Variants in CNTNAP2 observed in about 807,000 individuals in gnomAD.
The protein encoded by CNTNAP2 is contactin-associated protein-like 2.
In CNTNAP2, 98 loss-of-function variants were observed where a neutral mutation model predicts 155.2. The ratio of observed to expected loss-of-function variants is 0.63; its 90% CI spans 0.54 to 0.75. The LOEUF (loss-of-function observed/expected upper bound fraction) is 0.75, where lower values mean the gene tolerates loss of function less well. CNTNAP2 is among the 30% of genes least tolerant of loss of function. The probability of loss-of-function intolerance (pLI) is 0.00; values close to 1 mark genes in which losing one functional copy is unlikely to be tolerated. For synonymous variants in CNTNAP2, 651 were observed against 631.2 expected (o/e 1.03, Z -0.47); for missense variants, 1,727 against 1,688.1 (o/e 1.02, Z -0.40).
chr7:147,836,432 C>T (rs190545677), intron 13 of CNTNAP2, among the ~76,000 whole-genome samples: 1 of 152,102 alleles, frequency 6.6e-6, no homozygotes, highest in Admixed American at 6.6e-5. Flanking sequence ...CTATGTGCTC[C>T]TCCTTTGGCT....
At chr7:146,721,350 TACATTCTATATAC>T (rs1563203435) in intron 1 of CNTNAP2, among the ~76,000 whole-genome samples, 4 of 126,822 alleles carry the variant, frequency 3.2e-5, no homozygotes, top group African/African-American at 9.0e-5. Context: ...ATTCTATATA[TACATTCTATATAC>T]ATTCTATATA....
chr7:148,302,813 C>CTTTTTTTTTTTTTTT (rs59354674), intron 21 of CNTNAP2, among the ~76,000 whole-genome samples: 2 of 86,938 alleles, frequency 2.3e-5, no homozygotes, highest in Non-Finnish European at 4.1e-5. Flanking sequence ...CTCGATTATT[C>CTTTTTTTTTTTTTTT]TTTTTTTTTT....
intron 13 of CNTNAP2, among the ~76,000 whole-genome samples, chr7:147,731,166 A>G (rs78539008): frequency 0.19 from 29,262 of 152,174 alleles, 3,237 homozygotes; most frequent in Middle Eastern, 0.38. Flanking sequence ...TAGCTAACGT[A>G]ATTGATGAAG....
chr7:147,040,245 A>G (rs1450829866), intron 3 of CNTNAP2, among the ~76,000 whole-genome samples: 1 of 152,206 alleles, frequency 6.6e-6, no homozygotes, highest in Non-Finnish European at 1.5e-5. Context: ...CTCTGTCTAC[A>G]TTGTTGATTT....
chr7:147,905,798 C>T (rs1257638871), intron 14 of CNTNAP2, among the ~76,000 whole-genome samples: 6 of 152,158 alleles, frequency 3.9e-5, no homozygotes, highest in East Asian at 1.9e-4. Flanking sequence ...GCAGGAGAAT[C>T]GCTTGAACCC....
intron 9 of CNTNAP2, among the ~76,000 whole-genome samples, chr7:147,315,368 C>T (rs1352955631): frequency 6.6e-6 from 1 of 150,658 alleles, no homozygotes; most frequent in Non-Finnish European, 1.5e-5. Flanking sequence ...AATAGAACCC[C>T]AAAACTATTA....
intron 13 of CNTNAP2, among the ~76,000 whole-genome samples, chr7:147,729,594 AAAAG>A (rs1252112749): frequency 1.3e-5 from 2 of 152,082 alleles, no homozygotes; most frequent in African/African-American, 2.4e-5. Context: ...ACAAAAAAGA[AAAAG>A]AAAAACTGTG....
intron 13 of CNTNAP2, among the ~76,000 whole-genome samples, chr7:147,816,092 C>T (rs851661): frequency 0.48 from 72,297 of 152,082 alleles, 20,793 homozygotes; most frequent in African/African-American, 0.82. Flanking sequence ...TAACATTGTC[C>T]CAAGCAACAG....
chr7:147,376,323 A>G (rs1265768834), intron 9 of CNTNAP2, among the ~76,000 whole-genome samples: 11 of 151,968 alleles, frequency 7.2e-5, no homozygotes, highest in Non-Finnish European at 1.5e-5. Flanking sequence ...GGAGACTATC[A>G]TACAACTTAT....
At position 146,960,757 on chromosome 7, in the gene CNTNAP2, G is replaced by T. The variant is rs772559001; in HGVS notation, c.403-83150G>T. ...TAATTTCAGCCAATCTAAGGCTAAG[G>T]TTCTCCAAAGTTTAAATATGGTATT... On this transcript the variant is annotated intron_variant, in intron 3 of 23. Coordinates refer to ENST00000361727, the MANE Select transcript of CNTNAP2 (RefSeq NM_014141.6). Among the ~76,000 whole-genome samples, 12 of 152,092 alleles carry T rather than the reference G, an allele frequency of 7.9e-5. No homozygotes were observed. The East Asian group carries it at 2.1e-3, about 27-fold the overall frequency.
At chr7:146,873,769 A>AG (rs527533371) in intron 3 of CNTNAP2, among the ~76,000 whole-genome samples, 21 of 152,096 alleles carry the variant, frequency 1.4e-4, no homozygotes, top group Non-Finnish European at 2.8e-4. Context: ...TTACAATTTG[A>AG]GGGGGAAGTG....
intron 14 of CNTNAP2, among the ~76,000 whole-genome samples, chr7:147,934,390 T>C (rs147707919): frequency 3.9e-4 from 60 of 152,300 alleles, no homozygotes; most frequent in Non-Finnish European, 7.4e-4. Context: ...AGAGAACTTG[T>C]GCAGGGGAAC....
intron 1 of CNTNAP2, among the ~76,000 whole-genome samples, chr7:146,739,805 G>C (rs1801681260): frequency 6.6e-6 from 1 of 151,856 alleles, no homozygotes; most frequent in Non-Finnish European, 1.5e-5. Context: ...TACTTGGTTT[G>C]TATATTTAGG....
At chr7:146,733,601 C>A (rs908641956) in intron 1 of CNTNAP2, among the ~76,000 whole-genome samples, 1 of 152,104 alleles carries the variant, frequency 6.6e-6, no homozygotes, top group East Asian at 1.9e-4. Context: ...GTTTGACTAC[C>A]CTTTCCTATA....
intron 21 of CNTNAP2, among the ~76,000 whole-genome samples, chr7:148,270,657 T>C (rs768463551): frequency 1.3e-5 from 2 of 152,218 alleles, no homozygotes; most frequent in African/African-American, 2.4e-5. Context: ...TGAAAGGGTA[T>C]GGATGATCAT....
chr7:147,417,532 G>A (rs932700724), intron 10 of CNTNAP2, among the ~76,000 whole-genome samples: 7 of 152,108 alleles, frequency 4.6e-5, no homozygotes, highest in African/African-American at 1.4e-4. Flanking sequence ...GAATTTTGGC[G>A]GGGACATAAA....
At chr7:147,914,101 A>G (rs188868837) in intron 14 of CNTNAP2, among the ~76,000 whole-genome samples, 1 of 152,294 alleles carries the variant, frequency 6.6e-6, no homozygotes, top group Admixed American at 6.5e-5. Context: ...CCATGAATAG[A>G]GTTTCAGAAA....
In CNTNAP2 at chr7:146,550,420, T is replaced by TTTTG. The variant is rs1554447386; in HGVS notation, c.98-223848_98-223847insGTTT. Among the ~76,000 whole-genome samples the TTTTG allele has an allele frequency of 2.0e-3, 278 of 138,398 alleles. 11 individuals are homozygous for TTTTG. The highest frequency in any genetic ancestry group is 7.6e-3 in the Middle Eastern group (2 of 264). The allele number at this position is 138,398 out of a possible 152,430, so 90.8% of individuals were successfully genotyped here. On this transcript the variant is annotated intron_variant, in intron 1 of 23. Coordinates refer to ENST00000361727, the MANE Select transcript of CNTNAP2 (RefSeq NM_014141.6). ...TAATCTGTTTTTTTTTTTTTTTTTT[T>TTTTG]TTTTTTTTTATAAAGTACCCGAGAT...
chr7:148,268,992 T>A (rs1467101596), intron 21 of CNTNAP2, among the ~76,000 whole-genome samples: 2 of 152,082 alleles, frequency 1.3e-5, no homozygotes, highest in Non-Finnish European at 2.9e-5. Flanking sequence ...ATGCTGAGGC[T>A]GTCCAGGTAA....
Sources: gnomAD v4.1 joint callset for allele counts (sites outside exome capture counted in the v4.1 genomes callset) on GRCh38, gnomAD v4.1.1 for gene constraint, MANE v1.5 for transcripts, NCBI Gene and HGNC (gene_info 2026-07-23, HGNC 2026-07-21) for gene names.